The following SPATA13 variants were observed in gnomAD, a reference collection of about 807,000 sequenced individuals.
SPATA13 encodes spermatogenesis associated 13.
Under a neutral mutation model 104.0 loss-of-function variants are expected in SPATA13, and 50 were observed. The ratio of observed to expected loss-of-function variants is 0.48; its 90% CI spans 0.38 to 0.61. SPATA13 has a LOEUF of 0.61. Ranked by LOEUF, SPATA13 falls within the 20% of genes least tolerant of loss-of-function variation. The pLI is 0.00. For missense variants in SPATA13, 1,524 were observed against 1,690.6 expected (o/e 0.90, Z 1.73); for synonymous variants, 606 against 667.5 (o/e 0.91, Z 1.42).
At chr13:24,252,890 G>A (rs1325702213) in intron 4 of SPATA13, 1 of 152,216 alleles carries the variant, frequency 6.6e-6, no homozygotes, top group Non-Finnish European at 1.5e-5. Context: ...TGGGAGACTG[G>A]CCATGGCACT....
intron 3 of SPATA13, among the ~76,000 whole-genome samples, chr13:24,078,168 C>T (rs528398039): frequency 6.6e-5 from 10 of 152,280 alleles, no homozygotes; most frequent in Non-Finnish European, 1.3e-4. Context: ...GCCAGCCTAG[C>T]TCACCTGCAA....
intron 2 of SPATA13, among the ~76,000 whole-genome samples, chr13:24,249,209 T>C (rs9507294): frequency 0.45 from 68,509 of 152,116 alleles, 18,010 homozygotes; most frequent in East Asian, 0.61. Context: ...TAGCTCATCA[T>C]TGGTCACCAA....
At chr13:24,064,644 G>C (rs571775000) in intron 3 of SPATA13, among the ~76,000 whole-genome samples, 59 of 152,258 alleles carry the variant, frequency 3.9e-4, no homozygotes, top group African/African-American at 1.4e-3. Flanking sequence ...CTTTGACCTT[G>C]GATTTGCCAG....
At chr13:24,215,754 GC>G (rs1326789009) in intron 1 of SPATA13, among the ~76,000 whole-genome samples, 1 of 152,158 alleles carries the variant, frequency 6.6e-6, no homozygotes, top group Non-Finnish European at 1.5e-5. Context: ...AGTGAACACA[GC>G]TCCAGATTTG....
Position 24,304,784 on chromosome 13 carries a change from C to A in SPATA13, c.*2011C>A, listed in dbSNP as rs896382133. The stretch of plus-strand genomic sequence containing the variant: ...CTGTGGACCATCATGCCGCTCGGCA[C>A]GTCCTGAGACAGAAGTTGCTGCAGG... On this transcript the variant is annotated 3_prime_UTR_variant, in exon 13 of 13. Coordinates refer to ENST00000382108, the MANE Select transcript of SPATA13 (RefSeq NM_001166271.3). 1 of 152,242 alleles carries A rather than the reference C, an allele frequency of 6.6e-6. No homozygotes were observed. The highest frequency in any genetic ancestry group is 1.5e-5 in the Non-Finnish European group (1 of 68,058). 9.4% of individuals were successfully genotyped at this position (152,242 alleles called of 1,614,324 possible).
chr13:24,135,713 A>G (rs987050635), intron 3 of SPATA13, among the ~76,000 whole-genome samples: 5 of 151,960 alleles, frequency 3.3e-5, no homozygotes, highest in African/African-American at 1.2e-4. Context: ...AAAAAAAAAA[A>G]AAAAAGAGTA....
intron 3 of SPATA13, among the ~76,000 whole-genome samples, chr13:24,106,223 A>G (rs1786538121): frequency 6.6e-6 from 1 of 152,134 alleles, no homozygotes; most frequent in Admixed American, 6.5e-5. Flanking sequence ...TTGTACAGAC[A>G]GGGCTTCTCT....
chr13:24,279,483 C>T (rs1875327272), intron 4 of SPATA13, among the ~76,000 whole-genome samples: 1 of 152,066 alleles, frequency 6.6e-6, no homozygotes. Flanking sequence ...GCAGGGAGAC[C>T]AGGAGGGGCT....
chr13:24,159,305 T>A (rs1044551028), upstream of SPATA13, among the ~76,000 whole-genome samples: 17 of 152,230 alleles, frequency 1.1e-4, no homozygotes, highest in Non-Finnish European at 1.0e-4. Context: ...TAAAAATACA[T>A]GGTCATTGTT....
At chr13:24,145,535 G>T (rs1255303754) in intron 3 of SPATA13, among the ~76,000 whole-genome samples, 1 of 152,198 alleles carries the variant, frequency 6.6e-6, no homozygotes, top group Non-Finnish European at 1.5e-5. Flanking sequence ...AGTACTCCAG[G>T]CCTCAGTAAG....
chr13:24,191,637 G>A (rs1460338497), intron 1 of SPATA13, among the ~76,000 whole-genome samples: 1 of 149,872 alleles, frequency 6.7e-6, no homozygotes, highest in Non-Finnish European at 1.5e-5. Context: ...AGCCTCCCGA[G>A]TAGCTGGGAC....
At position 24,281,969 on chromosome 13, in the gene SPATA13, G is replaced by A. The variant is rs570679540; in HGVS notation, c.2165-2166G>A. On this transcript the variant is annotated intron_variant, in intron 4 of 12. Coordinates refer to ENST00000382108, the MANE Select transcript of SPATA13 (RefSeq NM_001166271.3). ...CTTGGCAAGGAAGACCTAAAATGCT[G>A]GTGCATGAAATACTACTTCTGCAGT... Among the ~76,000 whole-genome samples the A allele has an allele frequency of 2.6e-5, 4 of 152,280 alleles. No individual in the cohort carries two copies. The South Asian group carries it at 8.3e-4, about 32-fold the overall frequency.
At chr13:24,185,420 T>C (rs1195074785) in intron 1 of SPATA13, among the ~76,000 whole-genome samples, 1 of 152,180 alleles carries the variant, frequency 6.6e-6, no homozygotes, top group Non-Finnish European at 1.5e-5. Flanking sequence ...TATCTGGAGA[T>C]CCACTTAATG....
chr13:24,164,957 C>A (rs924464874), intron 1 of SPATA13, among the ~76,000 whole-genome samples: 3 of 152,120 alleles, frequency 2.0e-5, no homozygotes, highest in Non-Finnish European at 2.9e-5. Context: ...CTGCAAGAAC[C>A]CTGGGGAGCT....
chr13:24,078,479 T>A (rs981794953), intron 3 of SPATA13, among the ~76,000 whole-genome samples: 1 of 152,160 alleles, frequency 6.6e-6, no homozygotes, highest in African/African-American at 2.4e-5. Flanking sequence ...CTTCACTAAT[T>A]AAGACATACT....
At chr13:24,102,804 A>T (rs9511055) in intron 3 of SPATA13, among the ~76,000 whole-genome samples, 1 of 151,954 alleles carries the variant, frequency 6.6e-6, no homozygotes, top group Non-Finnish European at 1.5e-5. Flanking sequence ...GTTCCACATA[A>T]TTCCATTAGT....
At chr13:24,295,305 G>A (rs531170060) in intron 10 of SPATA13, among the ~76,000 whole-genome samples, 11 of 152,152 alleles carry the variant, frequency 7.2e-5, no homozygotes, top group South Asian at 2.1e-4. Context: ...ATAGGCTACC[G>A]TGAGCATTTT....
chr13:24,182,127 G>A (rs1868854392), intron 1 of SPATA13, among the ~76,000 whole-genome samples: 1 of 152,198 alleles, frequency 6.6e-6, no homozygotes. Context: ...CTTTAGGAAG[G>A]ATCCTTGCAT....
intron 3 of SPATA13, among the ~76,000 whole-genome samples, chr13:24,134,137 C>T (rs1158476111): frequency 6.6e-6 from 1 of 152,130 alleles, no homozygotes; most frequent in East Asian, 1.9e-4. Flanking sequence ...TGAGAAATGC[C>T]AAGAGAGCTG....
Sources: gnomAD v4.1 joint callset for allele counts (sites outside exome capture counted in the v4.1 genomes callset) on GRCh38, gnomAD v4.1.1 for gene constraint, MANE v1.5 for transcripts, NCBI Gene and HGNC (gene_info 2026-07-23, HGNC 2026-07-21) for gene names.